Variants in NEK7 observed in about 807,000 individuals in gnomAD.
NEK7 encodes NIMA related kinase 7.
In NEK7, 18 loss-of-function variants were observed where a neutral mutation model predicts 44.6. That is an observed-to-expected ratio of 0.40 (90% CI 0.28 to 0.60). The LOEUF (loss-of-function observed/expected upper bound fraction) is 0.60. Ranked by LOEUF, NEK7 falls within the 20% of genes least tolerant of loss-of-function variation. The pLI is 0.38. For missense variants in NEK7, 256 were observed against 366.5 expected (o/e 0.70, Z 2.46); for synonymous variants, 130 against 121.1 (o/e 1.07, Z -0.48).
rs1279585931 is a variant in NEK7 at position 198,278,994 on chromosome 1, G to A, written c.522G>A (p.Val174=). ...PANVFITATG[V]VKLGDLGLGR... is the part of the protein sequence containing the mutation. Reference sequence around the variant, plus strand: ...ATGTGTTCATTACAGCCACTGGGGTGGTAAAACTTGGAGATCTTGGGCTTG... The same window carrying A: ...ATGTGTTCATTACAGCCACTGGGGTAGTAAAACTTGGAGATCTTGGGCTTG... The change falls in exon 7 of 10, where the codon GTG becomes GTA. Residue 174 remains valine, a synonymous_variant. Transcript: ENST00000367385. The A allele has an allele frequency of 6.2e-7, 1 of 1,610,446 alleles. No homozygotes were observed. The highest frequency in any genetic ancestry group is 8.5e-7 in the Non-Finnish European group (1 of 1,177,514).
chr1:198,320,686 T>C lies in NEK7; in HGVS notation c.*1164T>C, dbSNP rs1340704671. 1.3e-5 allele frequency: 2 copies of C among 151,924 alleles called. No individual in the cohort carries two copies. Among genetic ancestry groups the C allele is most frequent in the Non-Finnish European group, 2.9e-5 (2 of 67,816 alleles). The allele number at this position is 151,924 out of a possible 1,614,324, so 9.4% of individuals were successfully genotyped here. On this transcript the variant is annotated 3_prime_UTR_variant, in exon 10 of 10. Coordinates refer to ENST00000367385, the MANE Select transcript of NEK7 (RefSeq NM_133494.3). ...TCTTGTTAAAGAGGAAGAAAGGATG[T>C]GTGTTATACTGTACCTGTGAATGTT...
At chr1:198,207,865 A>G (rs1341597606) in intron 1 of NEK7, among the ~76,000 whole-genome samples, 1 of 152,230 alleles carries the variant, frequency 6.6e-6, no homozygotes, top group East Asian at 1.9e-4. Context: ...AAATGTTAAA[A>G]AGGGACATAG....
intron 2 of NEK7, among the ~76,000 whole-genome samples, chr1:198,237,384 A>G (rs1302613115): frequency 6.6e-6 from 1 of 151,948 alleles, no homozygotes; most frequent in Non-Finnish European, 1.5e-5. Context: ...TCATGTTTCA[A>G]CCCTAATGCT....
chr1:198,286,557 C>T (rs1056018525), intron 7 of NEK7, among the ~76,000 whole-genome samples: 6 of 151,912 alleles, frequency 3.9e-5, no homozygotes, highest in East Asian at 1.9e-4. Context: ...ATCATTAACA[C>T]GTTTGTATTT....
At chr1:198,268,978 A>G (rs1653748695) in intron 5 of NEK7, among the ~76,000 whole-genome samples, 2 of 151,956 alleles carry the variant, frequency 1.3e-5, no homozygotes, top group African/African-American at 4.8e-5. Context: ...TTCCTCAAGC[A>G]TTTTCCTTTG....
intron 1 of NEK7, among the ~76,000 whole-genome samples, chr1:198,170,871 C>T (rs1364416883): frequency 1.3e-5 from 2 of 152,018 alleles, no homozygotes; most frequent in African/African-American, 4.8e-5. Flanking sequence ...ATCAGAAACT[C>T]GCATCAAAAT....
At chr1:198,242,409 T>C (rs571200870) in intron 2 of NEK7, among the ~76,000 whole-genome samples, 1 of 151,652 alleles carries the variant, frequency 6.6e-6, no homozygotes, top group Admixed American at 6.6e-5. Context: ...TTCTTTTTTT[T>C]TTTTTTGAGA....
intron 1 of NEK7, chr1:198,197,710 A>G (rs1665284736): frequency 1.9e-6 from 1 of 525,014 alleles, no homozygotes; most frequent in Non-Finnish European, 3.5e-6. Flanking sequence ...CCCTGGTACA[A>G]TATGGCATCT....
At chr1:198,225,516 A>G (rs558144326) in intron 1 of NEK7, among the ~76,000 whole-genome samples, 11 of 152,220 alleles carry the variant, frequency 7.2e-5, no homozygotes, top group Non-Finnish European at 1.2e-4. Flanking sequence ...TGCTAAAAAG[A>G]TTGTCTTTCA....
At position 198,207,411 on chromosome 1, in the gene NEK7, C is replaced by T. The variant is rs116586596; in HGVS notation, c.-28-25142C>T. Among the ~76,000 whole-genome samples the T allele has an allele frequency of 4.4e-3, 672 of 152,092 alleles. 7 individuals carry two copies. Among genetic ancestry groups the T allele is most frequent in the African/African-American group, 0.015 (630 of 41,506 alleles). On this transcript the variant is annotated intron_variant, in intron 1 of 9. Transcript: ENST00000367385. ...TTGAAAACTTATGTATGGACTGGTACGCAAATATTTATAATGGCTTTATTC... is the reference window on the plus strand; with the variant it reads ...TTGAAAACTTATGTATGGACTGGTATGCAAATATTTATAATGGCTTTATTC...
intron 1 of NEK7, chr1:198,198,134 A>G (rs1021249002): frequency 9.0e-6 from 8 of 892,628 alleles, no homozygotes; most frequent in Admixed American, 6.1e-5. Context: ...AGGGTACCCT[A>G]TGGTGGGGGG....
intron 5 of NEK7, among the ~76,000 whole-genome samples, chr1:198,272,878 G>A (rs1653899285): frequency 6.6e-6 from 1 of 151,648 alleles, no homozygotes; most frequent in South Asian, 2.1e-4. Flanking sequence ...CAACTGTTTT[G>A]GGGAAGTTTT....
intron 7 of NEK7, among the ~76,000 whole-genome samples, chr1:198,284,373 A>T (rs1654305383): frequency 6.6e-6 from 1 of 152,094 alleles, no homozygotes; most frequent in Non-Finnish European, 1.5e-5. Flanking sequence ...ATTGCTTAGG[A>T]GCCTACATAT....
chr1:198,253,569 G>A (rs1653153723), intron 3 of NEK7, among the ~76,000 whole-genome samples: 1 of 152,096 alleles, frequency 6.6e-6, no homozygotes, highest in Non-Finnish European at 1.5e-5. Context: ...TTAGTAAATG[G>A]CAGTTAAACT....
chr1:198,158,556 A>G (rs895676899), intron 1 of NEK7, among the ~76,000 whole-genome samples: 8 of 152,206 alleles, frequency 5.3e-5, no homozygotes, highest in Non-Finnish European at 1.2e-4. Context: ...GGTGTGGTCG[A>G]AGAATGGCAT....
At chr1:198,186,704 G>A (rs1373780526) in intron 1 of NEK7, among the ~76,000 whole-genome samples, 2 of 152,130 alleles carry the variant, frequency 1.3e-5, no homozygotes, top group African/African-American at 4.8e-5. Context: ...ATTCAGATTA[G>A]ATATGCTGTC....
chr1:198,208,546 AT>A (rs1338688532), intron 1 of NEK7: 1 of 151,912 alleles, frequency 6.6e-6, no homozygotes, highest in East Asian at 1.9e-4. Context: ...CCAGTTTATT[AT>A]TTTTATTTTT....
chr1:198,196,359 A>C (rs930205144), intron 1 of NEK7, among the ~76,000 whole-genome samples: 1 of 152,224 alleles, frequency 6.6e-6, no homozygotes, highest in Non-Finnish European at 1.5e-5. Context: ...TTATTTGTGG[A>C]AAATGTATTA....
At chr1:198,267,778 G>A (rs1311442493) in intron 5 of NEK7, among the ~76,000 whole-genome samples, 1 of 151,910 alleles carries the variant, frequency 6.6e-6, no homozygotes, top group African/African-American at 2.4e-5. Flanking sequence ...GATCTCAGAA[G>A]ACCCTCTTAA....
Sources: gnomAD v4.1 joint callset for allele counts (sites outside exome capture counted in the v4.1 genomes callset) on GRCh38, gnomAD v4.1.1 for gene constraint, MANE v1.5 for transcripts, NCBI Gene and HGNC (gene_info 2026-07-23, HGNC 2026-07-21) for gene names.